CCDC7: variants seen among roughly 807,000 people sequenced by gnomAD.
CCDC7 encodes coiled-coil domain containing 7, also known as coiled-coil domain-containing protein 7.
In CCDC7, 183 loss-of-function variants were observed where a neutral mutation model predicts 196.9. The observed-to-expected ratio is 0.93, with a 90% CI of 0.82 to 1.05. CCDC7 has a LOEUF of 1.05. CCDC7 is among the 50% of genes least tolerant of loss of function. The pLI, the probability that CCDC7 is intolerant of heterozygous loss-of-function variation, is 0.00. For synonymous variants in CCDC7, 525 were observed against 484.6 expected (o/e 1.08, Z -1.10); for missense variants, 1,540 against 1,482.2 (o/e 1.04, Z -0.64).
chr10:32,701,824 T>C (rs961690982), intron 24 of CCDC7, among the ~76,000 whole-genome samples: 6 of 152,132 alleles, frequency 3.9e-5, no homozygotes, highest in Admixed American at 3.9e-4. Flanking sequence ...TATAGTATTC[T>C]CTGATGGTAG....
intron 9 of CCDC7, among the ~76,000 whole-genome samples, chr10:32,516,935 TAAATA>T (rs979222466): frequency 6.6e-6 from 1 of 152,200 alleles, no homozygotes. Flanking sequence ...AAGTGTTGGA[TAAATA>T]AAATGTGGGA....
intron 28 of CCDC7, among the ~76,000 whole-genome samples, chr10:32,764,861 T>G (rs911645213): frequency 1.3e-5 from 2 of 152,048 alleles, no homozygotes; most frequent in African/African-American, 4.8e-5. Context: ...TGGTGGCATT[T>G]AAACATCAGA....
intron 21 of CCDC7, among the ~76,000 whole-genome samples, chr10:32,681,417 GT>G (rs1470229016): frequency 6.6e-6 from 1 of 152,090 alleles, no homozygotes; most frequent in Middle Eastern, 3.2e-3. Flanking sequence ...TACAGTCATT[GT>G]TTGTCACAAT....
chr10:32,877,447 A>C (rs2136991167), downstream of CCDC7, among the ~76,000 whole-genome samples: 1 of 152,192 alleles, frequency 6.6e-6, no homozygotes, highest in Non-Finnish European at 1.5e-5. Flanking sequence ...GTTGTGAATA[A>C]AGTGGATTTT....
intron 41 of CCDC7, among the ~76,000 whole-genome samples, chr10:32,857,104 T>C (rs2093782997): frequency 6.6e-6 from 1 of 152,026 alleles, no homozygotes; most frequent in Non-Finnish European, 1.5e-5. Flanking sequence ...ATGGGGTAAC[T>C]AGAACAGAAG....
chr10:32,628,714 T>C (rs945631709), intron 18 of CCDC7, among the ~76,000 whole-genome samples: 1 of 152,112 alleles, frequency 6.6e-6, no homozygotes, highest in African/African-American at 2.4e-5. Context: ...TTCAGTTTCA[T>C]TTGTCTCATT....
At chr10:32,721,789 T>C (rs961862071) in intron 25 of CCDC7, among the ~76,000 whole-genome samples, 5 of 152,116 alleles carry the variant, frequency 3.3e-5, no homozygotes, top group African/African-American at 1.2e-4. Flanking sequence ...CAGTTTTTGT[T>C]TGGTAGTGTC....
chr10:32,527,076 C>T (rs1328552270), intron 11 of CCDC7, among the ~76,000 whole-genome samples: 1 of 152,164 alleles, frequency 6.6e-6, no homozygotes, highest in Non-Finnish European at 1.5e-5. Flanking sequence ...CCAAGAAACT[C>T]AAGCTCGGCC....
intron 20 of CCDC7, among the ~76,000 whole-genome samples, chr10:32,647,467 G>A (rs1470941865): frequency 3.1e-4 from 2 of 6,400 alleles, no homozygotes; most frequent in African/African-American, 5.0e-4. Context: ...CTGAGATCGT[G>A]CCACTTTTCT....
intron 20 of CCDC7, among the ~76,000 whole-genome samples, chr10:32,661,549 T>A (rs2071450572): frequency 6.6e-6 from 1 of 152,082 alleles, no homozygotes; most frequent in Admixed American, 6.5e-5. Context: ...ACCGAGATCT[T>A]GCTGCTGATT....
At chr10:32,700,712 A>G (rs1479611802) in intron 24 of CCDC7, among the ~76,000 whole-genome samples, 3 of 151,940 alleles carry the variant, frequency 2.0e-5, no homozygotes, top group African/African-American at 2.4e-5. Context: ...CCATTTGTTT[A>G]TGTCCTCTTT....
chr10:32,872,531 T>C (rs547948333), intron 41 of CCDC7, among the ~76,000 whole-genome samples: 13 of 152,082 alleles, frequency 8.5e-5, no homozygotes, highest in Admixed American at 3.3e-4. Context: ...GCATTTTGCC[T>C]ATTTACATTT....
At chr10:32,589,591 C>T (rs998376439) in intron 18 of CCDC7, among the ~76,000 whole-genome samples, 4 of 151,510 alleles carry the variant, frequency 2.6e-5, no homozygotes, top group African/African-American at 4.9e-5. Flanking sequence ...AGATTAAGTA[C>T]GAGATTTCTT....
chr10:32,539,034 T>G (rs1269388182), intron 11 of CCDC7, among the ~76,000 whole-genome samples: 4 of 151,978 alleles, frequency 2.6e-5, no homozygotes, highest in Admixed American at 6.6e-5. Context: ...CTCCTCAGTT[T>G]TTTTGAATAA....
intron 21 of CCDC7, among the ~76,000 whole-genome samples, chr10:32,665,828 G>A (rs1458554415): frequency 6.6e-6 from 1 of 151,860 alleles, no homozygotes; most frequent in Non-Finnish European, 1.5e-5. Flanking sequence ...TCCAATCCAG[G>A]AACATGGGAT....
chr10:32,597,696 G>T (rs1451381347), intron 18 of CCDC7, among the ~76,000 whole-genome samples: 1 of 152,152 alleles, frequency 6.6e-6, no homozygotes, highest in African/African-American at 2.4e-5. Flanking sequence ...GCACAGATGG[G>T]GTTTGGTGTG....
At chr10:32,575,199 T>A (rs1232739692) in intron 16 of CCDC7, among the ~76,000 whole-genome samples, 2 of 152,220 alleles carry the variant, frequency 1.3e-5, no homozygotes, top group Non-Finnish European at 2.9e-5. Flanking sequence ...AGGCATTATC[T>A]AATTGTGAAA....
At chr10:32,849,701 C>CAAAAAAAAAAAAAA (rs34677799) in intron 39 of CCDC7, among the ~76,000 whole-genome samples, 1 of 80,808 alleles carries the variant, frequency 1.2e-5, no homozygotes. Flanking sequence ...GACTCCGTCT[C>CAAAAAAAAAAAAAA]AAAAAAAAAA....
At chr10:32,685,792 A>G (rs768438005) in intron 21 of CCDC7, among the ~76,000 whole-genome samples, 178 bp from the exon 23 acceptor site, 3 of 152,176 alleles carry the variant, frequency 2.0e-5, no homozygotes, top group Non-Finnish European at 4.4e-5. Context: ...ATCAACATAC[A>G]GCCATTAAAA....
Sources: gnomAD v4.1 joint callset for allele counts (sites outside exome capture counted in the v4.1 genomes callset) on GRCh38, gnomAD v4.1.1 for gene constraint, MANE v1.5 for transcripts, NCBI Gene and HGNC (gene_info 2026-07-23, HGNC 2026-07-21) for gene names.